The following ARK2N variants were observed in gnomAD, a reference collection of about 807,000 sequenced individuals.
ARK2N encodes arkadia (RNF111) N-terminal like PKA signaling regulator 2N, also known as protein ARK2N.
At chr18:46,222,949 C>T in the ARK2N span, among the ~76,000 whole-genome samples, 1 of 152,118 alleles carries the variant, frequency 6.6e-6, no homozygotes, top group Non-Finnish European at 1.5e-5. Flanking sequence ...TTGATAAATG[C>T]GTAAGTGGTT....
chr18:46,251,677 T>C, the ARK2N span, among the ~76,000 whole-genome samples: 1 of 152,232 alleles, frequency 6.6e-6, no homozygotes, highest in African/African-American at 2.4e-5. Flanking sequence ...ATTTTTATAG[T>C]GTTATGTGTA....
the ARK2N span, among the ~76,000 whole-genome samples, chr18:46,244,843 C>T: frequency 1.3e-5 from 2 of 151,814 alleles, no homozygotes; most frequent in African/African-American, 2.4e-5. Flanking sequence ...TCCAGTGATC[C>T]GCCTGTCTTG....
chr18:46,175,403 C>A, the ARK2N span, among the ~76,000 whole-genome samples: 1 of 152,090 alleles, frequency 6.6e-6, no homozygotes, highest in Admixed American at 6.6e-5. Context: ...GAATCACTCC[C>A]TTTCTTCTCT....
the ARK2N span, among the ~76,000 whole-genome samples, chr18:46,179,299 TTTC>T: frequency 6.6e-6 from 1 of 152,124 alleles, no homozygotes; most frequent in African/African-American, 2.4e-5. Flanking sequence ...TTTATTTTGA[TTTC>T]TTGGTCATCA....
chr18:46,209,546 G>T, the ARK2N span, among the ~76,000 whole-genome samples: 17 of 152,116 alleles, frequency 1.1e-4, no homozygotes, highest in Non-Finnish European at 2.1e-4. Flanking sequence ...GAGTACAAGG[G>T]CTAAAAAGTG....
At chr18:46,210,069 C>A in the ARK2N span, among the ~76,000 whole-genome samples, 1 of 152,162 alleles carries the variant, frequency 6.6e-6, no homozygotes. Context: ...AAAATACTTT[C>A]TCTCATAAAG....
At chr18:46,233,932 T>C in the ARK2N span, among the ~76,000 whole-genome samples, 1 of 152,224 alleles carries the variant, frequency 6.6e-6, no homozygotes, top group Admixed American at 6.5e-5. Context: ...TAGACATTTT[T>C]CCTTTTACTG....
the ARK2N span, among the ~76,000 whole-genome samples, chr18:46,248,038 T>G: frequency 1.3e-5 from 2 of 152,192 alleles, no homozygotes; most frequent in Non-Finnish European, 2.9e-5. Flanking sequence ...TAATGAGTAT[T>G]CATGATAGCA....
At chr18:46,239,463 A>T in the ARK2N span, among the ~76,000 whole-genome samples, 1 of 152,232 alleles carries the variant, frequency 6.6e-6, no homozygotes, top group African/African-American at 2.4e-5. Context: ...TTATAAAAGG[A>T]CTTTACTGGA....
At chr18:46,198,266 C>T in the ARK2N span, among the ~76,000 whole-genome samples, 1 of 143,646 alleles carries the variant, frequency 7.0e-6, no homozygotes, top group Non-Finnish European at 1.5e-5. Flanking sequence ...CCGAGATCGC[C>T]CCCACTGCAC....
At chr18:46,221,038 G>T in the ARK2N span, among the ~76,000 whole-genome samples, 1 of 152,092 alleles carries the variant, frequency 6.6e-6, no homozygotes, top group African/African-American at 2.4e-5. Context: ...CCGGAGGCTG[G>T]TGTGGGAGGA....
the ARK2N span, among the ~76,000 whole-genome samples, chr18:46,208,583 C>T: frequency 1.3e-5 from 2 of 150,266 alleles, no homozygotes; most frequent in East Asian, 2.0e-4. Flanking sequence ...AGTTCTCCTG[C>T]GTCAGCCCCC....
the ARK2N span, among the ~76,000 whole-genome samples, chr18:46,246,308 A>G: frequency 1.3e-5 from 2 of 152,152 alleles, no homozygotes; most frequent in Non-Finnish European, 2.9e-5. Flanking sequence ...TCTATACTGG[A>G]GCTCCCAAAG....
the ARK2N span, chr18:46,219,377 C>T: frequency 6.6e-6 from 1 of 151,888 alleles, no homozygotes; most frequent in Non-Finnish European, 1.5e-5. Context: ...GAGTAAAGGG[C>T]ATTTTATAGT....
At chr18:46,215,682 A>G in the ARK2N span, 3 of 440,424 alleles carry the variant, frequency 6.8e-6, no homozygotes, top group Non-Finnish European at 1.2e-5. Flanking sequence ...ACAAGCAGAT[A>G]ATAATATATA....
the ARK2N span, among the ~76,000 whole-genome samples, chr18:46,176,585 G>C: frequency 6.6e-6 from 1 of 151,578 alleles, no homozygotes; most frequent in Non-Finnish European, 1.5e-5. Context: ...CTCCGAAGTA[G>C]CTGAGACCAC....
chr18:46,212,819 G>T, the ARK2N span, among the ~76,000 whole-genome samples: 3 of 151,906 alleles, frequency 2.0e-5, no homozygotes, highest in Non-Finnish European at 4.4e-5. Context: ...AGAAACAAGC[G>T]TTGTATGGTC....
chr18:46,183,199 T>C, the ARK2N span, among the ~76,000 whole-genome samples: 1 of 152,236 alleles, frequency 6.6e-6, no homozygotes, highest in Non-Finnish European at 1.5e-5. Flanking sequence ...TTTTGTAATC[T>C]GTAGGTTCCC....
chr18:46,216,399 T>C, the ARK2N span: 1 of 1,613,916 alleles, frequency 6.2e-7, no homozygotes, highest in Non-Finnish European at 8.5e-7. The surrounding 1 kb of genome is among the most constrained non-coding windows in gnomAD (Gnocchi z 4.3). Context: ...AGGTTAAAGG[T>C]CATCGGAGCC....
Sources: gnomAD v4.1 joint callset for allele counts (sites outside exome capture counted in the v4.1 genomes callset) on GRCh38, gnomAD v4.1.1 for gene constraint, Gnocchi (gnomAD v3.1) non-coding constraint, MANE v1.5 for transcripts, NCBI Gene and HGNC (gene_info 2026-07-23, HGNC 2026-07-21) for gene names.